The following CADM2 variants were observed in gnomAD, a reference collection of about 807,000 sequenced individuals.
CADM2 encodes the protein cell adhesion molecule 2.
Under a neutral mutation model 49.8 loss-of-function variants are expected in CADM2, and 12 were observed. The ratio of observed to expected loss-of-function variants is 0.24; its 90% CI spans 0.15 to 0.39. The LOEUF is 0.39. Among genes scored for constraint, CADM2 ranks in the 10% least tolerant of loss-of-function variants. The pLI is 1.00. For synonymous variants in CADM2, 214 were observed against 175.4 expected, an observed-to-expected ratio of 1.22 and a Z score of -1.74; for missense variants, 378 against 492.3, an observed-to-expected ratio of 0.77 and a Z score of 2.20.
chr3:84,967,383 A>G (rs994854055), intron 1 of CADM2, among the ~76,000 whole-genome samples: 1 of 152,110 alleles, frequency 6.6e-6, no homozygotes, highest in African/African-American at 2.4e-5. Context: ...CCCATGGGGG[A>G]AAGTGTCCAT....
At chr3:85,241,070 G>A (rs1332021676) in intron 1 of CADM2, among the ~76,000 whole-genome samples, 2 of 151,450 alleles carry the variant, frequency 1.3e-5, no homozygotes, top group East Asian at 3.9e-4. Flanking sequence ...CTAAGTGTTG[G>A]AATTGACCCT....
chr3:85,614,194 G>A (rs2063743393), intron 1 of CADM2, among the ~76,000 whole-genome samples: 1 of 141,514 alleles, frequency 7.1e-6, no homozygotes, highest in African/African-American at 3.1e-5. Flanking sequence ...AGGTCTAAAA[G>A]TGTGTGTTTG....
chr3:85,845,830 T>G (rs1300091079), intron 3 of CADM2, among the ~76,000 whole-genome samples: 2 of 152,152 alleles, frequency 1.3e-5, no homozygotes, highest in African/African-American at 4.8e-5. Context: ...TAACATGGTG[T>G]TTAGAAATCT....
chr3:85,180,766 G>T (rs943101708), intron 1 of CADM2, among the ~76,000 whole-genome samples: 1 of 152,102 alleles, frequency 6.6e-6, no homozygotes, highest in African/African-American at 2.4e-5. Context: ...AGTAAAGAAT[G>T]AGAATATAAT....
chr3:85,421,099 A>G (rs2036148119), intron 1 of CADM2, among the ~76,000 whole-genome samples: 1 of 152,174 alleles, frequency 6.6e-6, no homozygotes, highest in African/African-American at 2.4e-5. Context: ...TGAGGTGAAA[A>G]TGAGATGCTA....
intron 1 of CADM2, among the ~76,000 whole-genome samples, chr3:85,665,174 A>C (rs1444378679): frequency 6.6e-6 from 1 of 151,980 alleles, no homozygotes; most frequent in Admixed American, 6.6e-5. Flanking sequence ...GCTTGATTGA[A>C]TCTATCACAT....
intron 5 of CADM2, among the ~76,000 whole-genome samples, chr3:85,899,100 G>A (rs1715746548): frequency 6.7e-6 from 1 of 149,498 alleles, no homozygotes; most frequent in Non-Finnish European, 1.5e-5. Flanking sequence ...TGAGTAGCTG[G>A]GATTACAGGC....
chr3:85,383,531 TATATATAC>T (rs1477419008), intron 1 of CADM2, among the ~76,000 whole-genome samples: 22 of 145,146 alleles, frequency 1.5e-4, no homozygotes, highest in Admixed American at 3.5e-4. Flanking sequence ...TATATATATA[TATATATAC>T]ATATATATAT....
chr3:85,241,557 A>G (rs2042529211), intron 1 of CADM2, among the ~76,000 whole-genome samples: 1 of 151,526 alleles, frequency 6.6e-6, no homozygotes, highest in Non-Finnish European at 1.5e-5. Context: ...TTGTTTAAGA[A>G]TGGAAAAAAA....
rs1164601142 is a variant in CADM2 at position 86,070,868 on chromosome 3, A to C, written c.*4085A>C. The C allele has an allele frequency of 6.6e-6, 1 of 151,650 alleles. No homozygotes were observed. Among genetic ancestry groups the C allele is most frequent in the Non-Finnish European group, 1.5e-5 (1 of 67,734 alleles). The allele number at this position is 151,650 out of a possible 1,614,324, so 9.4% of individuals were successfully genotyped here. ...GAAAGAGGAAATCTTAGTGTAGATA[A>C]TAGAATTTGTTTTGAAATATACACT... On this transcript the variant is annotated 3_prime_UTR_variant, in exon 10 of 10. Coordinates refer to ENST00000383699, the MANE Select transcript of CADM2 (RefSeq NM_001167675.2).
At chr3:85,807,499 CAAAA>C (rs60644652) in intron 3 of CADM2, among the ~76,000 whole-genome samples, 2 of 82,242 alleles carry the variant, frequency 2.4e-5, no homozygotes, top group Non-Finnish European at 5.7e-5. Context: ...AACTCCGTCT[CAAAA>C]AAAAAAAAAA....
chr3:85,987,575 C>T (rs1413240679), intron 8 of CADM2, among the ~76,000 whole-genome samples: 1 of 146,198 alleles, frequency 6.8e-6, no homozygotes, highest in Non-Finnish European at 1.5e-5. Flanking sequence ...ATATAATATA[C>T]ATGTTAAAAT....
intron 1 of CADM2, among the ~76,000 whole-genome samples, chr3:84,992,963 A>G (rs1267303830): frequency 6.6e-6 from 1 of 152,172 alleles, no homozygotes; most frequent in Non-Finnish European, 1.5e-5. Flanking sequence ...TTTAGATTGG[A>G]TGTTGAAGGT....
intron 1 of CADM2, among the ~76,000 whole-genome samples, chr3:84,977,729 C>T (rs1434395753): frequency 6.6e-6 from 1 of 151,994 alleles, no homozygotes; most frequent in African/African-American, 2.4e-5. Context: ...AAGAATACCA[C>T]AACAGAATAG....
At chr3:85,709,413 G>T (rs1483386735) in intron 1 of CADM2, among the ~76,000 whole-genome samples, 1 of 152,040 alleles carries the variant, frequency 6.6e-6, no homozygotes, top group Admixed American at 6.6e-5. Flanking sequence ...TGTGTGTTTT[G>T]TTGCGTTACA....
At chr3:86,026,113 T>C (rs567830329) in intron 8 of CADM2, among the ~76,000 whole-genome samples, 1 of 152,288 alleles carries the variant, frequency 6.6e-6, no homozygotes, top group Non-Finnish European at 1.5e-5. Context: ...AGTTTTAAGT[T>C]GGGGGATGCT....
intron 1 of CADM2, among the ~76,000 whole-genome samples, chr3:85,094,092 A>T (rs988779887): frequency 6.6e-5 from 10 of 152,186 alleles, no homozygotes; most frequent in Admixed American, 2.6e-4. Context: ...TTGTTAAAGT[A>T]GAGTCCTACA....
intron 8 of CADM2, among the ~76,000 whole-genome samples, chr3:86,004,486 C>A (rs954163920): frequency 1.3e-4 from 20 of 152,222 alleles, no homozygotes; most frequent in African/African-American, 4.8e-4. Flanking sequence ...GGGCGCCAAA[C>A]TCTGACACCA....
At chr3:84,994,148 A>G (rs887473803) in intron 1 of CADM2, among the ~76,000 whole-genome samples, 1 of 152,116 alleles carries the variant, frequency 6.6e-6, no homozygotes, top group Non-Finnish European at 1.5e-5. Context: ...CATGTACACT[A>G]TATTAGAGTG....
Sources: allele counts gnomAD v4.1 joint callset (sites outside exome capture counted in the v4.1 genomes callset), GRCh38; gene constraint gnomAD v4.1.1; transcripts MANE v1.5; gene names NCBI Gene and HGNC (gene_info 2026-07-23, HGNC 2026-07-21).